HECW2: variants seen among roughly 807,000 people sequenced by gnomAD.
HECW2 encodes E3 ubiquitin-protein ligase HECW2.
Under a neutral mutation model 175.2 loss-of-function variants are expected in HECW2, and 61 were observed. The ratio of observed to expected loss-of-function variants is 0.35; its 90% CI spans 0.28 to 0.43. The LOEUF (loss-of-function observed/expected upper bound fraction) is 0.43. Among genes scored for constraint, HECW2 ranks in the 20% least tolerant of loss-of-function variants. The pLI is 1.00. For synonymous variants in HECW2, 671 were observed against 731.0 expected (o/e 0.92, Z 1.32); for missense variants, 1,524 against 2,000.5 (o/e 0.76, Z 4.54).
chr2:196,322,415 T>G lies in HECW2; in HGVS notation c.884+63A>C, dbSNP rs113255407. On this transcript the variant is annotated intron_variant, in intron 7 of 28. Coordinates refer to ENST00000644978, the MANE Select transcript of HECW2 (RefSeq NM_001348768.2). ...TGAAAAGTCCTAGGACTACCAAGTTTCATGTCATTTTTTCCTATATGAACT... is the reference window on the plus strand; with the variant it reads ...TGAAAAGTCCTAGGACTACCAAGTTGCATGTCATTTTTTCCTATATGAACT... The G allele has an allele frequency of 2.8e-4, 407 of 1,429,786 alleles. 1 individual carries two copies. The African/African-American group carries it at 4.9e-3, about 17-fold the overall frequency. 88.6% of individuals were successfully genotyped at this position (1,429,786 alleles called of 1,614,324 possible).
chr2:196,573,180 A>G (rs553346024), intron 1 of HECW2, among the ~76,000 whole-genome samples: 1 of 151,858 alleles, frequency 6.6e-6, no homozygotes, highest in South Asian at 2.1e-4. Context: ...AGGGGAAAAC[A>G]CTTTCAGAAT....
Position 196,515,015 on chromosome 2 carries a change from A to G in HECW2, c.-36+78493T>C, listed in dbSNP as rs141723539. On this transcript the variant is annotated intron_variant, in intron 1 of 28. Transcript: ENST00000644978. ...GGAGCCCAGACCTAGGGACTCCCCA[A>G]GCCAGGGCTGTGACACCCTCTTTGG... Among the ~76,000 whole-genome samples the G allele has an allele frequency of 9.2e-5, 14 of 152,330 alleles. No homozygotes were observed. The East Asian group carries it at 2.7e-3, about 29-fold the overall frequency.
At chr2:196,370,498 A>T (rs187435029) in intron 2 of HECW2, among the ~76,000 whole-genome samples, 1 of 152,116 alleles carries the variant, frequency 6.6e-6, no homozygotes, top group Non-Finnish European at 1.5e-5. Flanking sequence ...TGGGAGAGGG[A>T]TGGCACAAGC....
intron 1 of HECW2, among the ~76,000 whole-genome samples, chr2:196,451,295 G>A (rs1265831840): frequency 6.6e-6 from 1 of 151,776 alleles, no homozygotes; most frequent in Admixed American, 6.6e-5. Context: ...TTAGCTGGGC[G>A]TGGTGGCACG....
intron 14 of HECW2, among the ~76,000 whole-genome samples, chr2:196,287,039 T>C (rs771919652): frequency 2.3e-4 from 35 of 152,328 alleles, no homozygotes; most frequent in Non-Finnish European, 4.9e-4. Flanking sequence ...TAGGGTCTGG[T>C]AAAATGAGAA....
intron 1 of HECW2, among the ~76,000 whole-genome samples, chr2:196,490,886 A>C (rs889537103): frequency 5.3e-5 from 8 of 151,726 alleles, no homozygotes; most frequent in African/African-American, 1.7e-4. Flanking sequence ...TTCTAGTTAT[A>C]AGAAATATTT....
At chr2:196,543,875 C>T (rs1575656782) in intron 1 of HECW2, among the ~76,000 whole-genome samples, 1 of 152,140 alleles carries the variant, frequency 6.6e-6, no homozygotes, top group Admixed American at 6.5e-5. Context: ...GCCTCCCAAA[C>T]TGCTGGGATT....
intron 1 of HECW2, among the ~76,000 whole-genome samples, chr2:196,582,173 T>C (rs913067613): frequency 6.6e-6 from 1 of 152,130 alleles, no homozygotes; most frequent in Non-Finnish European, 1.5e-5. Context: ...TTTGGTTTCT[T>C]CACCTGGTTT....
intron 1 of HECW2, among the ~76,000 whole-genome samples, chr2:196,439,530 T>C (rs1377084835): frequency 2.0e-5 from 3 of 152,190 alleles, no homozygotes; most frequent in Non-Finnish European, 4.4e-5. Context: ...ACCGTAGCTT[T>C]TATAGAACTG....
chr2:196,431,144 C>G (rs1424443042), intron 2 of HECW2, among the ~76,000 whole-genome samples: 1 of 152,152 alleles, frequency 6.6e-6, no homozygotes, highest in Non-Finnish European at 1.5e-5. Flanking sequence ...GAAGAGTTAT[C>G]ATTTTTCAAA....
chr2:196,267,588 A>T (rs1324198802), intron 17 of HECW2, among the ~76,000 whole-genome samples: 2 of 152,224 alleles, frequency 1.3e-5, no homozygotes, highest in African/African-American at 2.4e-5. Context: ...GTGATAAATG[A>T]ATTTATAGGG....
chr2:196,454,843 T>C (rs1447350852), intron 1 of HECW2, among the ~76,000 whole-genome samples: 1 of 152,198 alleles, frequency 6.6e-6, no homozygotes, highest in African/African-American at 2.4e-5. Context: ...GATTGTATCA[T>C]TGTACCTACC....
chr2:196,249,077 A>G (rs1047849216), intron 19 of HECW2, among the ~76,000 whole-genome samples: 2 of 152,196 alleles, frequency 1.3e-5, no homozygotes, highest in African/African-American at 2.4e-5. Flanking sequence ...GTTTCAGCAA[A>G]TAGGGGGTCA....
chr2:196,222,112 G>C lies in HECW2; in HGVS notation c.4146+99C>G, dbSNP rs546094621. On this transcript the variant is annotated intron_variant, in intron 24 of 28. Coordinates refer to ENST00000644978, the MANE Select transcript of HECW2 (RefSeq NM_001348768.2). ...GAGTTTAAATCACCCAATAAACCAC[G>C]AATAAATAAGCATCTGATCTTAGCC... The C allele has an allele frequency of 4.6e-6, 5 of 1,079,160 alleles. No homozygotes were observed. In the East Asian group the frequency reaches 1.2e-4, roughly 27 times the overall value. 66.8% of individuals were successfully genotyped at this position (1,079,160 alleles called of 1,614,324 possible).
rs114947000 is a variant in HECW2, at chr2:196,324,524, T to A, written c.741+456A>T. 3.9e-3 allele frequency among the ~76,000 whole-genome samples: 599 copies of A among 152,240 alleles called. 2 individuals are homozygous for A. Among genetic ancestry groups the A allele is most frequent in the African/African-American group, 0.013 (558 of 41,540 alleles). Reference sequence around the variant, plus strand: ...TTGCCAAAGCCCGCAGAGAGAGAAATTCCTTTAATTTGTACTAAATGTATG... The same window carrying A: ...TTGCCAAAGCCCGCAGAGAGAGAAAATCCTTTAATTTGTACTAAATGTATG... On this transcript the variant is annotated intron_variant, in intron 6 of 28. Transcript: ENST00000644978.
intron 1 of HECW2, among the ~76,000 whole-genome samples, chr2:196,483,776 T>C (rs1686916518): frequency 6.6e-6 from 1 of 152,204 alleles, no homozygotes; most frequent in African/African-American, 2.4e-5. Context: ...CTCAATTTCT[T>C]TGAATCTTAA....
chr2:196,539,300 G>A lies in HECW2; in HGVS notation c.-36+54208C>T, dbSNP rs376247078. On this transcript the variant is annotated intron_variant, in intron 1 of 28. Coordinates refer to ENST00000644978, the MANE Select transcript of HECW2 (RefSeq NM_001348768.2). ...TGTTAAGGCTTACATGTCAGGAAAC[G>A]TGTGACAACTTTCCATAAAATGTTG... Among the ~76,000 whole-genome samples the A allele has an allele frequency of 2.4e-3, 363 of 152,296 alleles. 13 individuals carry two copies. In the South Asian group the frequency reaches 0.07, roughly 29 times the overall value.
intron 19 of HECW2, among the ~76,000 whole-genome samples, chr2:196,246,665 C>T (rs921750071): frequency 2.0e-5 from 3 of 152,092 alleles, no homozygotes; most frequent in Admixed American, 6.5e-5. Context: ...GGTGGGATTA[C>T]AGGCATGAGC....
chr2:196,528,413 A>G (rs2125448055), intron 1 of HECW2, among the ~76,000 whole-genome samples: 1 of 152,348 alleles, frequency 6.6e-6, no homozygotes, highest in African/African-American at 2.4e-5. Flanking sequence ...TGTTCTCCAC[A>G]TAAGAGGCAG....
Sources: allele counts gnomAD v4.1 joint callset (sites outside exome capture counted in the v4.1 genomes callset), GRCh38; gene constraint gnomAD v4.1.1; transcripts MANE v1.5; gene names NCBI Gene and HGNC (gene_info 2026-07-23, HGNC 2026-07-21).